Variants in COL21A1 observed in about 807,000 individuals in gnomAD.
COL21A1 encodes collagen alpha-1(XXI) chain.
COL21A1 carries 149 observed loss-of-function variants against 137.9 expected under a neutral mutation model. That is an observed-to-expected ratio of 1.08 (90% CI 0.95 to 1.24). The LOEUF is 1.24. Among genes scored for constraint, COL21A1 ranks in the 50% most tolerant of loss-of-function variants. The pLI, the probability that COL21A1 is intolerant of heterozygous loss-of-function variation, is 0.00. For missense variants in COL21A1, 1,167 were observed against 1,158.4 expected, an observed-to-expected ratio of 1.01 and a Z score of -0.11; for synonymous variants, 456 against 391.5, an observed-to-expected ratio of 1.16 and a Z score of -1.95.
At chr6:56,255,362 T>A (rs2152329771) in intron 1 of COL21A1, among the ~76,000 whole-genome samples, 1 of 151,866 alleles carries the variant, frequency 6.6e-6, no homozygotes, top group Non-Finnish European at 1.5e-5. Context: ...TGTGTGTGTG[T>A]GTGTGTGTGT....
intron 1 of COL21A1, among the ~76,000 whole-genome samples, chr6:56,221,127 C>T (rs906808265): frequency 6.6e-6 from 1 of 152,120 alleles, no homozygotes; most frequent in African/African-American, 2.4e-5. Flanking sequence ...CTGTCTCATG[C>T]ATTTTAGGAG....
At chr6:56,128,822 T>G (rs1253965877) in intron 12 of COL21A1, among the ~76,000 whole-genome samples, 1 of 152,042 alleles carries the variant, frequency 6.6e-6, no homozygotes, top group South Asian at 2.1e-4. Flanking sequence ...GCCTGGCTAA[T>G]TTTTGTATTT....
intron 1 of COL21A1, among the ~76,000 whole-genome samples, chr6:56,374,277 T>A (rs531466845): frequency 6.6e-6 from 1 of 152,174 alleles, no homozygotes; most frequent in South Asian, 2.1e-4. Context: ...TGATAAGCAT[T>A]TTCCTCTTAC....
intron 1 of COL21A1, among the ~76,000 whole-genome samples, chr6:56,226,894 A>AT (rs995429591): frequency 4.6e-5 from 7 of 151,886 alleles, no homozygotes; most frequent in Admixed American, 3.3e-4. Context: ...CTTTCTTTGG[A>AT]TTTTTTTTAA....
chr6:56,323,128 A>G (rs1418702179), intron 1 of COL21A1, among the ~76,000 whole-genome samples: 1 of 152,122 alleles, frequency 6.6e-6, no homozygotes, highest in Admixed American at 6.6e-5. Context: ...ACTACACAAT[A>G]TATCCATGCA....
chr6:56,257,825 T>C (rs1225123906), intron 1 of COL21A1, among the ~76,000 whole-genome samples: 2 of 152,170 alleles, frequency 1.3e-5, no homozygotes, highest in African/African-American at 4.8e-5. Flanking sequence ...TTTTAGCTTA[T>C]GGGCTTTACA....
rs578071555 is a variant in COL21A1, at chr6:56,268,640, A to C, written c.-38-85984T>G. Among the ~76,000 whole-genome samples the C allele has an allele frequency of 5.9e-5, 9 of 152,310 alleles. No individual in the cohort carries two copies. In the South Asian group the frequency reaches 1.4e-3, roughly 25 times the overall value. ...TACTGAGAAATGAAGCCAATTGACT[A>C]TACTCAACTTACACCACAGATAAAG... On this transcript the variant is annotated intron_variant, in intron 1 of 28. Transcript: ENST00000370819.
chr6:56,248,618 A>G (rs1291338485), upstream of COL21A1, among the ~76,000 whole-genome samples: 1 of 152,230 alleles, frequency 6.6e-6, no homozygotes, highest in Non-Finnish European at 1.5e-5. Context: ...CAATACCTGG[A>G]ATATACAAGG....
chr6:56,087,828 A>G (rs1768404181), intron 17 of COL21A1, among the ~76,000 whole-genome samples: 2 of 152,148 alleles, frequency 1.3e-5, no homozygotes, highest in South Asian at 4.1e-4. Context: ...TGCATTAAAA[A>G]TTTGTTCAGG....
intron 23 of COL21A1, among the ~76,000 whole-genome samples, chr6:56,064,915 A>G (rs2114058035): frequency 6.6e-6 from 1 of 152,210 alleles, no homozygotes; most frequent in Admixed American, 6.6e-5. Flanking sequence ...CCATATTAAT[A>G]GTGGGAAAAT....
At chr6:56,299,072 G>A (rs1582764518) in intron 1 of COL21A1, among the ~76,000 whole-genome samples, 2 of 152,114 alleles carry the variant, frequency 1.3e-5, no homozygotes, top group East Asian at 3.9e-4. Flanking sequence ...CACAAACCTG[G>A]GAGGCAGGAA....
At chr6:56,126,793 T>C (rs1336226460) in intron 12 of COL21A1, 1 of 152,116 alleles carries the variant, frequency 6.6e-6, no homozygotes, top group Admixed American at 6.5e-5. Flanking sequence ...ACATAGTAAA[T>C]AAAGAACCAA....
At chr6:56,371,310 G>A (rs2093988140) in intron 1 of COL21A1, among the ~76,000 whole-genome samples, 1 of 152,210 alleles carries the variant, frequency 6.6e-6, no homozygotes, top group African/African-American at 2.4e-5. Flanking sequence ...CACTGGGATA[G>A]GGTAAGATAA....
At chr6:56,150,945 C>A (rs546115649) in intron 10 of COL21A1, among the ~76,000 whole-genome samples, 1 of 152,104 alleles carries the variant, frequency 6.6e-6, no homozygotes, top group Admixed American at 6.6e-5. Context: ...GTAACTCGGC[C>A]GGGGGCGGTG....
intron 10 of COL21A1, among the ~76,000 whole-genome samples, chr6:56,145,842 C>T (rs890167300): frequency 8.6e-5 from 13 of 150,766 alleles, no homozygotes; most frequent in African/African-American, 3.2e-4. Context: ...CAGAAAACTT[C>T]TTTATAAATG....
At chr6:56,266,436 T>C (rs1763393084) in intron 1 of COL21A1, among the ~76,000 whole-genome samples, 1 of 152,202 alleles carries the variant, frequency 6.6e-6, no homozygotes, top group Non-Finnish European at 1.5e-5. Flanking sequence ...TACAGTTGCT[T>C]TCACACTGTA....
In COL21A1 at chr6:56,164,064, C is replaced by T. The variant is rs556299192; in HGVS notation, c.1371+359G>A. Reference sequence around the variant, plus strand: ...TATTTTGACAAATTAAGAACTGAGACATTTAAGAATTCAGACCATGTCTTC... The same window carrying T: ...TATTTTGACAAATTAAGAACTGAGATATTTAAGAATTCAGACCATGTCTTC... On this transcript the variant is annotated intron_variant, in intron 9 of 29. Coordinates refer to ENST00000244728, the MANE Select transcript of COL21A1 (RefSeq NM_030820.4). Among the ~76,000 whole-genome samples, 21 of 152,256 alleles carry T rather than the reference C, an allele frequency of 1.4e-4. No homozygotes were observed. In the South Asian group the frequency reaches 3.7e-3, roughly 27 times the overall value.
intron 1 of COL21A1, among the ~76,000 whole-genome samples, chr6:56,189,594 A>G (rs1227707909): frequency 6.6e-6 from 1 of 152,192 alleles, no homozygotes; most frequent in Admixed American, 6.5e-5. Flanking sequence ...ACAGGCCAAC[A>G]TTCAAATTCA....
chr6:56,253,655 T>C (rs938177449), intron 1 of COL21A1, among the ~76,000 whole-genome samples: 4 of 152,228 alleles, frequency 2.6e-5, no homozygotes, highest in Non-Finnish European at 4.4e-5. Flanking sequence ...TGAGTCTCTG[T>C]CGCTCTCAAC....
Sources: allele counts gnomAD v4.1 joint callset (sites outside exome capture counted in the v4.1 genomes callset), GRCh38; gene constraint gnomAD v4.1.1; transcripts MANE v1.5; gene names NCBI Gene and HGNC (gene_info 2026-07-23, HGNC 2026-07-21).